L3MBTL1: variants seen among roughly 807,000 people sequenced by gnomAD.
L3MBTL1 encodes the protein lethal(3)malignant brain tumor-like protein 1.
In L3MBTL1, 75 loss-of-function variants were observed where a neutral mutation model predicts 105.3. The ratio of observed to expected loss-of-function variants is 0.71; its 90% CI spans 0.59 to 0.86. The LOEUF is 0.86. Among genes scored for constraint, L3MBTL1 ranks in the 40% least tolerant of loss-of-function variants. L3MBTL1 has a pLI of 0.00. For missense variants in L3MBTL1, 1,069 were observed against 1,126.4 expected (o/e 0.95, Z 0.73); for synonymous variants, 452 against 436.2 (o/e 1.04, Z -0.45).
At chr20:43,547,006 G>GCA (rs1978644126) in intron 18 of L3MBTL1, among the ~76,000 whole-genome samples, 5 of 151,736 alleles carry the variant, frequency 3.3e-5, no homozygotes, top group Admixed American at 6.6e-5. Context: ...GCCAGAATCT[G>GCA]AACAAGGCCT....
In L3MBTL1 at chr20:43,541,766, G is replaced by C. The variant is rs1293319809; in HGVS notation, c.*638G>C. The C allele has an allele frequency of 1.0e-6, 1 of 953,280 alleles. No homozygotes were observed. Among genetic ancestry groups the C allele is most frequent in the Non-Finnish European group, 1.3e-6 (1 of 799,972 alleles). The allele number at this position is 953,280 out of a possible 1,614,324, so 59.1% of individuals were successfully genotyped here. A position where few individuals can be genotyped will look rare whatever the true frequency, so the allele number is the denominator to read the frequency against. On this transcript the variant is annotated 3_prime_UTR_variant, in exon 22 of 22. Transcript: ENST00000418998. ...GAATCATTGACAGAAATGTCTTTAT[G>C]TAGCATATGGCTGTGTATCACTAGT...
At position 43,514,819 on chromosome 20, in the gene L3MBTL1, G is replaced by T. The variant is rs775082412; in HGVS notation, c.502+43G>T. Reference sequence around the variant, plus strand: ...CAGGCCCTGAGCTGGGCCCTGTGCGGGTGGGGCGAGGCCTGAGCCCCAGAA... The same window carrying T: ...CAGGCCCTGAGCTGGGCCCTGTGCGTGTGGGGCGAGGCCTGAGCCCCAGAA... On this transcript the variant is annotated intron_variant, in intron 4 of 21. Transcript: ENST00000418998. 3.3e-6 allele frequency: 5 copies of T among 1,504,492 alleles called. No homozygotes were observed. In the South Asian group the frequency reaches 6.4e-5, roughly 19 times the overall value. The allele number at this position is 1,504,492 out of a possible 1,614,324, so 93.2% of individuals were successfully genotyped here.
intron 1 of L3MBTL1, among the ~76,000 whole-genome samples, chr20:43,510,042 T>C (rs570867544): frequency 6.6e-6 from 1 of 152,104 alleles, no homozygotes; most frequent in Admixed American, 6.5e-5. Flanking sequence ...TTTTTGTACT[T>C]TTGGTAGAGA....
chr20:43,533,426 T>C lies in L3MBTL1; in HGVS notation c.1513+8T>C, dbSNP rs1196787240. 1.2e-6 allele frequency: 2 copies of C among 1,610,366 alleles called. No individual in the cohort carries two copies. Among genetic ancestry groups the C allele is most frequent in the East Asian group, 2.2e-5 (1 of 44,832 alleles). ...CCCTCACCCCTCCACAAGGTGACCC[T>C]GCAGCCTGAGCAAGCCCCCTTTCCT... On this transcript the variant is annotated splice_region_variant and intron_variant, in intron 13 of 21. Transcript: ENST00000418998.
At chr20:43,530,596 C>T in intron 10 of L3MBTL1, 177 bp downstream of exon 10, 7 of 781,466 alleles carry the variant, frequency 9.0e-6, no homozygotes, top group Non-Finnish European at 1.2e-5. Context: ...GACCAGAAGC[C>T]CTAGAACTTC....
intron 7 of L3MBTL1, among the ~76,000 whole-genome samples, chr20:43,526,840 C>G (rs949048109): frequency 1.3e-5 from 2 of 152,064 alleles, no homozygotes; most frequent in Admixed American, 1.3e-4. Flanking sequence ...AATCTCTACT[C>G]GGAGGCTGAG....
At position 43,532,655 on chromosome 20, in the gene L3MBTL1, T is replaced by C; in HGVS notation, c.1285-118T>C. 3 of 1,104,424 alleles carry C rather than the reference T, an allele frequency of 2.7e-6. No individual in the cohort carries two copies. In the South Asian group the frequency reaches 4.6e-5, roughly 17 times the overall value. The allele number at this position is 1,104,424 out of a possible 1,614,324, so 68.4% of individuals were successfully genotyped here. A position where few individuals can be genotyped will look rare whatever the true frequency, so the allele number is the denominator to read the frequency against. ...CTTTCCCAGCTTATTTCTCCTTCCTTTCTCACTGCCCACACCCCAGGCTTT... is the reference window on the plus strand; with the variant it reads ...CTTTCCCAGCTTATTTCTCCTTCCTCTCTCACTGCCCACACCCCAGGCTTT... On this transcript the variant is annotated intron_variant, in intron 11 of 21. Coordinates refer to ENST00000418998, the MANE Select transcript of L3MBTL1 (RefSeq NM_001377303.1).
At chr20:43,510,916 G>A (rs900880540) in intron 1 of L3MBTL1, among the ~76,000 whole-genome samples, 3 of 152,046 alleles carry the variant, frequency 2.0e-5, no homozygotes, top group African/African-American at 7.3e-5. Context: ...TAGAGACAGA[G>A]TCTCCCTGTG....
At chr20:43,538,038 T>A (rs2019719606) in intron 19 of L3MBTL1, among the ~76,000 whole-genome samples, 1 of 152,192 alleles carries the variant, frequency 6.6e-6, no homozygotes, top group African/African-American at 2.4e-5. Flanking sequence ...CCTGCCAGTA[T>A]TATTAGTCTG....
At position 43,516,317 on chromosome 20, in the gene L3MBTL1, G is replaced by C. The variant is rs535540568; in HGVS notation, c.862+140G>C. 4.7e-6 allele frequency: 3 copies of C among 644,038 alleles called. No homozygotes were observed. The African/African-American group carries it at 5.4e-5, about 12-fold the overall frequency. The allele number at this position is 644,038 out of a possible 1,614,324, so 39.9% of individuals were successfully genotyped here. A position where few individuals can be genotyped will look rare whatever the true frequency, so the allele number is the denominator to read the frequency against. On this transcript the variant is annotated intron_variant, in intron 7 of 21. Transcript: ENST00000418998. ...CATGAGTTAGTGTGTGTGAAAGAGA[G>C]AGAGACAGTGAGAGACTATTTTGGG...
chr20:43,542,611 C>CAAAAAAAAAAA (rs5841503), downstream of L3MBTL1, among the ~76,000 whole-genome samples: 35 of 112,564 alleles, frequency 3.1e-4, no homozygotes, highest in African/African-American at 4.0e-4. Flanking sequence ...AAAAATTTAA[C>CAAAAAAAAAAA]AAAAAAAAAA....
intron 7 of L3MBTL1, among the ~76,000 whole-genome samples, chr20:43,523,995 A>G (rs1305393016): frequency 6.7e-6 from 1 of 149,922 alleles, no homozygotes; most frequent in African/African-American, 2.4e-5. Context: ...TCCATCTCAA[A>G]AAAAAAAAAA....
chr20:43,535,997 G>A (rs960052127), intron 17 of L3MBTL1, 61 bp downstream of exon 17: 69 of 1,586,520 alleles, frequency 4.3e-5, no homozygotes, highest in African/African-American at 2.2e-4. Context: ...GCATGCAGGC[G>A]ACTGGGGTCC....
Position 43,513,977 on chromosome 20 carries a change from CG to C in L3MBTL1, c.279del (p.Pro94ArgfsTer30), listed in dbSNP as rs1408300006. The C allele has an allele frequency of 6.5e-7, 1 of 1,546,782 alleles. No homozygotes were observed. Among genetic ancestry groups the C allele is most frequent in the Non-Finnish European group, 8.7e-7 (1 of 1,146,914 alleles). ...CCACCGTCCTGCCGCAGCTTAGCGC[CG>C]GGCCGGCCAGCTCCAGCACCAGCAC... ...SATVLPQLSA[G>X]PASSSTSTVR... On this transcript the variant is annotated frameshift_variant, in exon 3 of 22. Transcript: ENST00000418998. LOFTEE classifies it high-confidence loss of function.
rs1316171832 is a variant in L3MBTL1 at position 43,514,441 on chromosome 20, G to C, written c.361-194G>C. On this transcript the variant is annotated intron_variant, in intron 3 of 21. Transcript: ENST00000418998. ...GTGGGGCACCCTGGGACTGGACCCC[G>C]CAGGTGCTTGGGGGCGTAGCCTGGA... 3.4e-6 allele frequency: 5 copies of C among 1,484,768 alleles called. No homozygotes were observed. In the Admixed American group the frequency reaches 8.9e-5, roughly 26 times the overall value. 92.0% of individuals were successfully genotyped at this position (1,484,768 alleles called of 1,614,324 possible). A position where few individuals can be genotyped will look rare whatever the true frequency, so the allele number is the denominator to read the frequency against.
intron 7 of L3MBTL1, among the ~76,000 whole-genome samples, chr20:43,523,894 C>T (rs1476241632): frequency 6.6e-6 from 1 of 150,668 alleles, no homozygotes; most frequent in Non-Finnish European, 1.5e-5. Context: ...ACTCGGGAGG[C>T]TGAGGCAGGA....
chr20:43,546,576 T>C (rs1005434123), downstream of L3MBTL1, among the ~76,000 whole-genome samples: 1 of 152,122 alleles, frequency 6.6e-6, no homozygotes, highest in African/African-American at 2.4e-5. Context: ...ATTGCTATGA[T>C]GCTTGAGGGG....
exon 19 of L3MBTL1, chr20:43,550,545 AC>A (rs957232392): frequency 6.6e-6 from 1 of 152,046 alleles, no homozygotes; most frequent in Non-Finnish European, 1.5e-5. Flanking sequence ...ATATTATTGC[AC>A]CTTGACCTGG....
At chr20:43,519,542 A>G (rs1038681811) in intron 7 of L3MBTL1, among the ~76,000 whole-genome samples, 1 of 152,118 alleles carries the variant, frequency 6.6e-6, no homozygotes, top group Non-Finnish European at 1.5e-5. Context: ...AGCCTGAGGC[A>G]GGAGAATCGC....
Sources: gnomAD v4.1 joint callset for allele counts (sites outside exome capture counted in the v4.1 genomes callset) on GRCh38, gnomAD v4.1.1 for gene constraint, MANE v1.5 for transcripts, NCBI Gene and HGNC (gene_info 2026-07-23, HGNC 2026-07-21) for gene names.